ADAMTS14: variants seen among roughly 807,000 people sequenced by gnomAD.
ADAMTS14 encodes ADAM metallopeptidase with thrombospondin type 1 motif 14, also known as A disintegrin and metalloproteinase with thrombospondin motifs 14.
ADAMTS14 carries 100 observed loss-of-function variants against 128.6 expected under a neutral mutation model. That is an observed-to-expected ratio of 0.78 (90% CI 0.66 to 0.92). The LOEUF (loss-of-function observed/expected upper bound fraction) is 0.92, where lower values mean the gene tolerates loss of function less well. Among genes scored for constraint, ADAMTS14 ranks in the 40% least tolerant of loss-of-function variants. ADAMTS14 has a pLI of 0.00. For synonymous variants in ADAMTS14, 665 were observed against 653.8 expected (o/e 1.02, Z -0.26); for missense variants, 1,562 against 1,658.6 (o/e 0.94, Z 1.01).
At chr10:70,736,561 C>T (rs1861518) in intron 9 of ADAMTS14, 119 bp from the exon 10 acceptor site, 428,774 of 850,570 alleles carry the variant, frequency 0.5, 110,502 homozygotes, top group East Asian at 0.77. Context: ...CTCTGGCTGC[C>T]TTCCCTGCAG....
At chr10:70,689,042 C>T (rs1840106668) in intron 2 of ADAMTS14, among the ~76,000 whole-genome samples, 2 of 143,660 alleles carry the variant, frequency 1.4e-5, no homozygotes, top group Admixed American at 1.4e-4. Flanking sequence ...GGGGCCCACA[C>T]TCTATGAGTT....
At chr10:70,713,625 CTCTT>C (rs1232481277) in intron 4 of ADAMTS14, among the ~76,000 whole-genome samples, 2 of 152,240 alleles carry the variant, frequency 1.3e-5, no homozygotes, top group Non-Finnish European at 2.9e-5. Context: ...TGCCAAAGGT[CTCTT>C]TCTTGCCCTC....
At chr10:70,739,076 T>A in intron 11 of ADAMTS14, 86 bp downstream of exon 11, 1 of 1,473,588 alleles carries the variant, frequency 6.8e-7, no homozygotes, top group Non-Finnish European at 9.0e-7. Flanking sequence ...GGGGAGACAG[T>A]GCAGGAGAGA....
intron 10 of ADAMTS14, 47 bp from the exon 11 acceptor site, chr10:70,738,795 C>G (rs765615135): frequency 6.8e-6 from 11 of 1,609,262 alleles, no homozygotes; most frequent in Non-Finnish European, 9.3e-6. Flanking sequence ...CGGGTGGGCT[C>G]AGCAGCAGCA....
chr10:70,682,371 C>T (rs1359078313), intron 2 of ADAMTS14, among the ~76,000 whole-genome samples: 1 of 152,152 alleles, frequency 6.6e-6, no homozygotes, highest in Admixed American at 6.5e-5. Flanking sequence ...ATTGTATGAA[C>T]CAAACCCAGC....
At chr10:70,727,912 G>A (rs1173585383) in intron 4 of ADAMTS14, among the ~76,000 whole-genome samples, 2 of 152,046 alleles carry the variant, frequency 1.3e-5, no homozygotes, top group Non-Finnish European at 2.9e-5. Flanking sequence ...TGGCTAACAC[G>A]GTGAAACCCC....
rs371838835 is a variant in ADAMTS14, at chr10:70,744,084, G to A, written c.2077G>A (p.Glu693Lys). Residue 693 changes from glutamate (E) to lysine (K), a missense_variant, in exon 14 of 22, where the codon GAG (glutamate) becomes AAG (lysine). Coordinates refer to ENST00000373207, the MANE Select transcript of ADAMTS14 (RefSeq NM_080722.4). Reference protein sequence around the residue: ...GECVPVGCDKEVGSMKADDKC... With the variant: ...GECVPVGCDKKVGSMKADDKC... ...GCCTCAGCCTGTCGGCTGTGACAAG[G>A]AGGTGGGGTCCATGAAGGCGGATGA... 1.9e-6 allele frequency: 3 copies of A among 1,564,882 alleles called. No individual in the cohort carries two copies. Among genetic ancestry groups the A allele is most frequent in the East Asian group, 2.4e-5 (1 of 41,816 alleles).
intron 2 of ADAMTS14, among the ~76,000 whole-genome samples, chr10:70,692,183 G>A (rs1300924613): frequency 6.6e-6 from 1 of 152,192 alleles, no homozygotes; most frequent in Admixed American, 6.5e-5. Flanking sequence ...CTAGGGGTAA[G>A]AATGGCTGCT....
At chr10:70,730,051 C>T in intron 5 of ADAMTS14, 51 bp from the exon 6 acceptor site, 1 of 1,533,078 alleles carries the variant, frequency 6.5e-7, no homozygotes, top group Non-Finnish European at 8.8e-7. Flanking sequence ...CCTGCTGTTT[C>T]TAGGGCTCTG....
intron 2 of ADAMTS14, among the ~76,000 whole-genome samples, chr10:70,696,512 C>T (rs935264948): frequency 6.6e-6 from 1 of 152,000 alleles, no homozygotes; most frequent in Non-Finnish European, 1.5e-5. Context: ...TGTGTGCACG[C>T]GTGGAGTAAG....
chr10:70,689,903 G>A (rs1240608372), intron 2 of ADAMTS14, among the ~76,000 whole-genome samples: 1 of 145,106 alleles, frequency 6.9e-6, no homozygotes, highest in Non-Finnish European at 1.6e-5. Flanking sequence ...CCTTCAGAGC[G>A]ACGTCCTCCC....
Position 70,712,863 on chromosome 10 carries a change from G to C in ADAMTS14, c.870+4085G>C, listed in dbSNP as rs975770936. On this transcript the variant is annotated intron_variant, in intron 4 of 21. Transcript: ENST00000373207. ...TTAAAAATCTCTGCCCTCATTCCCG[G>C]AACTAGCGGAGTGGCAGCATCTCCC... is the stretch of plus-strand genomic sequence containing the variant. 2.0e-5 allele frequency among the ~76,000 whole-genome samples: 3 copies of C among 152,196 alleles called. No homozygotes were observed. The East Asian group carries it at 5.8e-4, about 29-fold the overall frequency.
chr10:70,755,022 T>C (rs894778521), intron 19 of ADAMTS14, among the ~76,000 whole-genome samples: 5 of 152,272 alleles, frequency 3.3e-5, no homozygotes, highest in South Asian at 4.1e-4. Flanking sequence ...GGCTCATGCC[T>C]GGAATCCCAA....
At chr10:70,731,441 C>A (rs1841634605) in intron 6 of ADAMTS14, among the ~76,000 whole-genome samples, 1 of 152,222 alleles carries the variant, frequency 6.6e-6, no homozygotes, top group Admixed American at 6.5e-5. Flanking sequence ...AGGAATAGCT[C>A]TGTCTGGGGG....
At chr10:70,757,432 G>A (rs1842502429) in intron 19 of ADAMTS14, among the ~76,000 whole-genome samples, 1 of 152,170 alleles carries the variant, frequency 6.6e-6, no homozygotes, top group Admixed American at 6.5e-5. Flanking sequence ...CCAGCTCTCT[G>A]TTTACAGAGT....
rs538290907 is a variant in ADAMTS14, at chr10:70,753,832, G to A, written c.2762G>A (p.Arg921Gln). Reference protein sequence around the residue: ...WVTEEWGACSRSCGKLGVQTR... With the variant: ...WVTEEWGACSQSCGKLGVQTR... ...ACGGAGGAGTGGGGTGCCTGCAGCCGGAGCTGTGGGAAGCTGGGGGTGCAG... is the reference window on the plus strand; with the variant it reads ...ACGGAGGAGTGGGGTGCCTGCAGCCAGAGCTGTGGGAAGCTGGGGGTGCAG... The change falls in exon 19 of 22, where the codon CGG becomes CAG. Residue 921 changes from arginine (R) to glutamine (Q), a missense_variant. Arg to Gln is a conservative substitution (Grantham distance 43). Coordinates refer to ENST00000373207, the MANE Select transcript of ADAMTS14 (RefSeq NM_080722.4). 40 of 1,590,326 alleles carry A rather than the reference G, an allele frequency of 2.5e-5. 1 individual carries two copies. Among genetic ancestry groups the A allele is most frequent in the South Asian group, 8.1e-5 (7 of 86,626 alleles).
chr10:70,692,243 G>T (rs1352403216), intron 2 of ADAMTS14, among the ~76,000 whole-genome samples: 1 of 152,204 alleles, frequency 6.6e-6, no homozygotes, highest in East Asian at 1.9e-4. Flanking sequence ...CTGGGGTCAG[G>T]TCTTTCAGAC....
intron 19 of ADAMTS14, among the ~76,000 whole-genome samples, chr10:70,757,122 C>A (rs981161204): frequency 6.6e-6 from 1 of 152,118 alleles, no homozygotes; most frequent in African/African-American, 2.4e-5. Flanking sequence ...TAAAAGGTGA[C>A]CCAGTCACAC....
chr10:70,729,380 A>T lies in ADAMTS14; in HGVS notation c.954+3A>T, dbSNP rs768956701. On this transcript the variant is annotated splice_donor_region_variant and intron_variant, in intron 5 of 21. Transcript: ENST00000373207. ...TGATCATGGTTGGCTACCGACAGGT[A>T]AACCACCTTGTCAGCAGGCAGGGTT... is the stretch of plus-strand genomic sequence containing the variant. 6.2e-7 allele frequency: 1 copy of T among 1,613,138 alleles called. No homozygotes were observed. Among genetic ancestry groups the T allele is most frequent in the South Asian group, 1.1e-5 (1 of 91,066 alleles).
Sources: gnomAD v4.1 joint callset for allele counts (sites outside exome capture counted in the v4.1 genomes callset) on GRCh38, gnomAD v4.1.1 for gene constraint, MANE v1.5 for transcripts, NCBI Gene and HGNC (gene_info 2026-07-23, HGNC 2026-07-21) for gene names.